The following ANKH variants were observed in gnomAD, a reference collection of about 807,000 sequenced individuals.
ANKH encodes ANKH inorganic pyrophosphate transport regulator, also known as mineralization regulator ANKH.
Under a neutral mutation model 49.0 loss-of-function variants are expected in ANKH, and 15 were observed. The ratio of observed to expected loss-of-function variants is 0.31; its 90% CI spans 0.20 to 0.47. ANKH has a LOEUF of 0.47. Among genes scored for constraint, ANKH ranks in the 20% least tolerant of loss-of-function variants. The probability of loss-of-function intolerance (pLI) is 1.00; values close to 1 mark genes in which losing one functional copy is unlikely to be tolerated. For synonymous variants in ANKH, 273 were observed against 260.0 expected, an observed-to-expected ratio of 1.05 and a Z score of -0.48; for missense variants, 429 against 652.0, an observed-to-expected ratio of 0.66 and a Z score of 3.72.
chr5:14,742,821 A>G (rs1738406710), intron 7 of ANKH, among the ~76,000 whole-genome samples: 1 of 152,358 alleles, frequency 6.6e-6, no homozygotes, highest in Admixed American at 6.5e-5. Context: ...TTGACAGTCA[A>G]AGGCGCCTGC....
intron 1 of ANKH, among the ~76,000 whole-genome samples, chr5:14,777,538 A>G (rs1338333950): frequency 1.3e-5 from 2 of 152,358 alleles, no homozygotes; most frequent in Non-Finnish European, 2.9e-5. Flanking sequence ...AGATCATTAA[A>G]TCCTAAAAGA....
intron 8 of ANKH, among the ~76,000 whole-genome samples, chr5:14,736,498 C>A (rs1282719364): frequency 6.6e-6 from 1 of 152,296 alleles, no homozygotes; most frequent in East Asian, 1.9e-4. Context: ...GAAGGATTGG[C>A]AGGGTCCCAA....
chr5:14,807,060 C>T (rs1740728160), intron 1 of ANKH, among the ~76,000 whole-genome samples: 1 of 151,674 alleles, frequency 6.6e-6, no homozygotes, highest in African/African-American at 2.4e-5. Context: ...ACAAAGAGTC[C>T]TAGCTAATCA....
At chr5:14,791,011 G>A (rs897503582) in intron 1 of ANKH, among the ~76,000 whole-genome samples, 4 of 152,158 alleles carry the variant, frequency 2.6e-5, no homozygotes, top group Admixed American at 2.6e-4. Flanking sequence ...GAAAAACCTA[G>A]CAAGGTAGAG....
intron 2 of ANKH, among the ~76,000 whole-genome samples, chr5:14,765,510 G>T (rs1296191403): frequency 6.6e-6 from 1 of 152,110 alleles, no homozygotes; most frequent in Admixed American, 6.5e-5. Context: ...GTGTCTGAGT[G>T]GTCAGTGGTA....
At chr5:14,865,655 T>G (rs1288886687) in intron 1 of ANKH, among the ~76,000 whole-genome samples, 1 of 152,190 alleles carries the variant, frequency 6.6e-6, no homozygotes, top group Non-Finnish European at 1.5e-5. Context: ...AAGAGTCTCT[T>G]CCCTGTTGAA....
At chr5:14,829,663 G>A (rs1450624153) in intron 1 of ANKH, among the ~76,000 whole-genome samples, 1 of 152,108 alleles carries the variant, frequency 6.6e-6, no homozygotes, top group Admixed American at 6.5e-5. Context: ...CATCTTGAGT[G>A]TCTTAAGAAT....
In ANKH at chr5:14,707,467, T is replaced by C. The variant is rs1736984234; in HGVS notation, c.*3730A>G. On this transcript the variant is annotated 3_prime_UTR_variant, in exon 12 of 12. Coordinates refer to ENST00000284268, the MANE Select transcript of ANKH (RefSeq NM_054027.6). ...TTTCACACTTCTTATTCTGAAAATA[T>C]AAGTGAATAAATTTTGAGAGTTACG... The C allele has an allele frequency of 6.6e-6, 1 of 152,174 alleles. No individual in the cohort carries two copies. The highest frequency in any genetic ancestry group is 2.4e-5 in the African/African-American group (1 of 41,442). The allele number at this position is 152,174 out of a possible 1,614,324, so 9.4% of individuals were successfully genotyped here. A position where few individuals can be genotyped will look rare whatever the true frequency, so the allele number is the denominator to read the frequency against.
At position 14,713,660 on chromosome 5, in the gene ANKH, C is replaced by T; in HGVS notation, c.1149G>A (p.Val383=). Residue 383 remains valine (V), a synonymous_variant, in exon 10 of 12, where the codon GTG becomes GTA. Transcript: ENST00000284268. This position sits in a 1 kb window ranked among gnomAD's most constrained non-coding sequence, Gnocchi z 4.4. Reference sequence around the variant, plus strand: ...TCAGCCACCCGGTGAGATGCGCCCTCACTGTGACTGTTGGGAGGAGCAAAG... The same window carrying T: ...TCAGCCACCCGGTGAGATGCGCCCTTACTGTGACTGTTGGGAGGAGCAAAG... ...IFSFFPVPVT[V]RAHLTGWLMT... The T allele has an allele frequency of 6.2e-7, 1 of 1,614,028 alleles. No individual in the cohort carries two copies. Among genetic ancestry groups the T allele is most frequent in the South Asian group, 1.1e-5 (1 of 91,076 alleles).
chr5:14,871,003 AACCCAGC>A (rs1207060168), intron 1 of ANKH: 10 of 382,478 alleles, frequency 2.6e-5, no homozygotes, highest in African/African-American at 2.1e-4. Context: ...GGTAAATAAA[AACCCAGC>A]ACTTAAGCTA....
intron 1 of ANKH, among the ~76,000 whole-genome samples, chr5:14,856,903 A>G (rs1353852102): frequency 6.6e-6 from 1 of 152,080 alleles, no homozygotes; most frequent in Non-Finnish European, 1.5e-5. Context: ...CCCCATACCT[A>G]GGGTCTGGCA....
At chr5:14,756,441 T>G (rs1239040951) in intron 3 of ANKH, among the ~76,000 whole-genome samples, 1 of 152,102 alleles carries the variant, frequency 6.6e-6, no homozygotes, top group Admixed American at 6.6e-5. Context: ...CTTTGGGAGA[T>G]GAGGAGGAAG....
At position 14,793,121 on chromosome 5, in the gene ANKH, T is replaced by C. The variant is rs534747030; in HGVS notation, c.97-23930A>G. 4.6e-3 allele frequency among the ~76,000 whole-genome samples: 644 copies of C among 141,330 alleles called. 6 individuals carry two copies. Among genetic ancestry groups the C allele is most frequent in the African/African-American group, 0.016 (622 of 37,972 alleles). The allele number at this position is 141,330 out of a possible 152,430, so 92.7% of individuals were successfully genotyped here. ...TTTATTTATTTATATATTATATATA[T>C]AAATAAAACAACACTTAGTTACAAC... On this transcript the variant is annotated intron_variant, in intron 1 of 11. Coordinates refer to ENST00000284268, the MANE Select transcript of ANKH (RefSeq NM_054027.6).
chr5:14,846,705 T>C (rs576470791), intron 1 of ANKH, among the ~76,000 whole-genome samples: 9 of 152,222 alleles, frequency 5.9e-5, no homozygotes, highest in Admixed American at 2.0e-4. Context: ...AGAATGAACC[T>C]CAAGGGCCAA....
At chr5:14,826,046 A>C (rs940112970) in intron 1 of ANKH, 1 of 154,296 alleles carries the variant, frequency 6.5e-6, no homozygotes, top group South Asian at 2.0e-4. Context: ...AACTAAACAG[A>C]TATCACTGGT....
intron 1 of ANKH, among the ~76,000 whole-genome samples, chr5:14,849,478 G>A (rs1299215216): frequency 6.6e-6 from 1 of 152,174 alleles, no homozygotes; most frequent in East Asian, 1.9e-4. Flanking sequence ...GATGCAGGGA[G>A]GGCGGGAAGG....
chr5:14,752,870 G>A (rs989533722), intron 4 of ANKH, among the ~76,000 whole-genome samples: 7 of 152,106 alleles, frequency 4.6e-5, no homozygotes, highest in Non-Finnish European at 8.8e-5. Flanking sequence ...AAAGAGAAGT[G>A]AAAAAGACAG....
At chr5:14,714,027 G>A (rs1737346198) in intron 9 of ANKH, among the ~76,000 whole-genome samples, 2 of 152,268 alleles carry the variant, frequency 1.3e-5, no homozygotes, top group Admixed American at 6.5e-5. Context: ...AACACTCAGA[G>A]AAAAGTGGCA....
intron 1 of ANKH, among the ~76,000 whole-genome samples, chr5:14,855,156 T>C (rs11133799): frequency 0.62 from 94,490 of 151,958 alleles, 29,810 homozygotes; most frequent in East Asian, 0.84. Context: ...AATGGGGACA[T>C]AGTATTCTCT....
Sources: gnomAD v4.1 joint callset for allele counts (sites outside exome capture counted in the v4.1 genomes callset) on GRCh38, gnomAD v4.1.1 for gene constraint, Gnocchi (gnomAD v3.1) non-coding constraint, MANE v1.5 for transcripts, NCBI Gene and HGNC (gene_info 2026-07-23, HGNC 2026-07-21) for gene names.